MKLN1: variants seen among roughly 807,000 people sequenced by gnomAD.
MKLN1 encodes the protein muskelin 1, also known as muskelin.
Under a neutral mutation model 99.0 loss-of-function variants are expected in MKLN1, and 18 were observed. The observed-to-expected ratio is 0.18, with a 90% confidence interval of 0.13 to 0.27. The LOEUF is 0.27. MKLN1 is among the 10% of genes least tolerant of loss of function. The probability of loss-of-function intolerance (pLI) is 1.00; values close to 1 mark genes in which losing one functional copy is unlikely to be tolerated. For synonymous variants in MKLN1, 288 were observed against 293.2 expected (o/e 0.98, Z 0.18); for missense variants, 621 against 875.9 (o/e 0.71, Z 3.67).
chr7:131,485,927 A>G (rs973774715), intron 17 of MKLN1, among the ~76,000 whole-genome samples: 2 of 152,088 alleles, frequency 1.3e-5, no homozygotes, highest in Non-Finnish European at 2.9e-5. Context: ...AACTGGTATT[A>G]TTGGGACATC....
chr7:131,302,330 A>C (rs1333856542), intron 3 of MKLN1, among the ~76,000 whole-genome samples: 2 of 152,312 alleles, frequency 1.3e-5, no homozygotes, highest in Admixed American at 1.3e-4. Context: ...AAGTGGAAGC[A>C]GGGGGAAAAT....
intron 12 of MKLN1, among the ~76,000 whole-genome samples, chr7:131,447,913 A>T (rs955440017): frequency 6.6e-6 from 1 of 152,176 alleles, no homozygotes; most frequent in African/African-American, 2.4e-5. Context: ...CTGCCATGCT[A>T]AACTACTGCC....
Position 131,199,445 on chromosome 7 carries a change from G to T in MKLN1, c.-296-3412G>T, listed in dbSNP as rs568831352. On this transcript the variant is annotated intron_variant, in intron 2 of 7. Coordinates refer to the MKLN1 transcript ENST00000416992. ...TATTTTAAATATTTTGTAGAGATAG[G>T]TTCTCATTATGTTGCCTGGGCTGAT... Among the ~76,000 whole-genome samples, 38 of 152,154 alleles carry T rather than the reference G, an allele frequency of 2.5e-4. 2 individuals carry two copies. In the South Asian group the frequency reaches 6.6e-3, roughly 27 times the overall value.
intron 15 of MKLN1, 66 bp from the exon 16 acceptor site, chr7:131,470,776 G>T: frequency 9.7e-7 from 1 of 1,032,116 alleles, no homozygotes; most frequent in East Asian, 2.4e-5. Flanking sequence ...TTTTATTCCA[G>T]GTCTGAAAGA....
chr7:131,269,893 AC>A (rs748680869), intron 3 of MKLN1, among the ~76,000 whole-genome samples: 517 of 151,956 alleles, frequency 3.4e-3, no homozygotes, highest in Non-Finnish European at 4.8e-3. Flanking sequence ...TATGGAGGTA[AC>A]TTTTCTTTTC....
rs1220689072 is a variant in MKLN1, at chr7:131,445,866, C to T, written c.1488C>T (p.Asp496=). ...ATGATGTGGACTCTGATCATGTAGA[C>T]ATAATATCAGATGGCACCAAGAAAG... ...FSYDVDSDHV[D]IISDGTKKDS... Residue 496 remains aspartate, a synonymous_variant, in exon 12 of 18, where the codon GAC becomes GAT. Coordinates refer to ENST00000352689, the MANE Select transcript of MKLN1 (RefSeq NM_013255.5). 1 of 1,603,080 alleles carries T rather than the reference C, an allele frequency of 6.2e-7. No individual in the cohort carries two copies. The highest frequency in any genetic ancestry group is 8.5e-7 in the Non-Finnish European group (1 of 1,172,928).
At chr7:131,435,693 A>G (rs185651500) in intron 9 of MKLN1, among the ~76,000 whole-genome samples, 18 of 152,180 alleles carry the variant, frequency 1.2e-4, no homozygotes, top group Admixed American at 1.0e-3. Flanking sequence ...TGTTTTTGAT[A>G]GTATTCTCTC....
chr7:131,260,805 G>A (rs981854791), intron 3 of MKLN1, among the ~76,000 whole-genome samples: 1 of 152,100 alleles, frequency 6.6e-6, no homozygotes, highest in African/African-American at 2.4e-5. Context: ...CAGACACATA[G>A]ACCAATGGAA....
chr7:131,354,176 T>G (rs996577192), intron 1 of MKLN1, among the ~76,000 whole-genome samples: 21 of 152,118 alleles, frequency 1.4e-4, no homozygotes, highest in Non-Finnish European at 2.8e-4. Context: ...CTTGCTGGGA[T>G]TTTGATAGGA....
chr7:131,443,769 G>T, intron 11 of MKLN1, 67 bp downstream of exon 11: 1 of 1,198,874 alleles, frequency 8.3e-7, no homozygotes, highest in Non-Finnish European at 1.2e-6. Flanking sequence ...AAAAGAAGTG[G>T]TGAAATCTAA....
intron 1 of MKLN1, among the ~76,000 whole-genome samples, chr7:131,340,583 G>A: frequency 6.6e-6 from 1 of 152,010 alleles, no homozygotes; most frequent in East Asian, 1.9e-4. Context: ...CCGGCTTCCT[G>A]TAATTATGTA....
intron 4 of MKLN1, among the ~76,000 whole-genome samples, chr7:131,391,074 T>C (rs555139926): frequency 6.6e-6 from 1 of 152,272 alleles, no homozygotes; most frequent in South Asian, 2.1e-4. Flanking sequence ...AAGAACTTTT[T>C]TTTTTAAGTA....
At chr7:131,143,256 C>G (rs1317045229) in intron 2 of MKLN1, among the ~76,000 whole-genome samples, 1 of 151,658 alleles carries the variant, frequency 6.6e-6, no homozygotes, top group Non-Finnish European at 1.5e-5. Flanking sequence ...ATCACGAGGT[C>G]AGGAGTTCGA....
chr7:131,134,075 C>A (rs890449415), intron 1 of MKLN1, among the ~76,000 whole-genome samples: 19 of 152,060 alleles, frequency 1.2e-4, no homozygotes, highest in African/African-American at 4.6e-4. Context: ...GTTGATCCAC[C>A]TGCCTCGGCC....
intron 3 of MKLN1, among the ~76,000 whole-genome samples, chr7:131,283,346 C>CTCCTTCCTTCCT (rs1175927858): frequency 0.039 from 1,981 of 51,182 alleles, 29 homozygotes; most frequent in Middle Eastern, 0.056. Flanking sequence ...TTCCCTTCCC[C>CTCCTTCCTTCCT]TCCTTCCTTC....
In MKLN1 at chr7:131,437,885, G is replaced by A. The variant is rs761083417; in HGVS notation, c.1061G>A (p.Ser354Asn). 5 of 1,613,696 alleles carry A rather than the reference G, an allele frequency of 3.1e-6. No homozygotes were observed. In the South Asian group the frequency reaches 4.4e-5, roughly 14 times the overall value. Residue 354 changes from serine to asparagine, a missense_variant, in exon 10 of 18, where the codon AGC becomes AAC. Transcript: ENST00000352689. ...GRYLDSSVRN[S>N]KSLKSDFYRY... ...TACTTGGATTCCTCTGTGAGGAACAGCAAATCTCTGAAAAGTGACTTCTAT... is the reference window on the plus strand; with the variant it reads ...TACTTGGATTCCTCTGTGAGGAACAACAAATCTCTGAAAAGTGACTTCTAT...
At chr7:131,235,359 C>T (rs1166705476) in intron 3 of MKLN1, among the ~76,000 whole-genome samples, 1 of 151,758 alleles carries the variant, frequency 6.6e-6, no homozygotes, top group Non-Finnish European at 1.5e-5. Flanking sequence ...CTTCAGACTT[C>T]ATGAAATTCA....
intron 1 of MKLN1, among the ~76,000 whole-genome samples, chr7:131,348,377 TA>T (rs1799624000): frequency 3.3e-5 from 5 of 152,212 alleles, no homozygotes; most frequent in Non-Finnish European, 7.3e-5. Context: ...ATAATTCATA[TA>T]TATGCAGAGA....
intron 3 of MKLN1, among the ~76,000 whole-genome samples, chr7:131,296,570 T>G (rs1297177177): frequency 6.6e-6 from 1 of 151,736 alleles, no homozygotes; most frequent in East Asian, 1.9e-4. Context: ...ATGGGTCCAC[T>G]TGTATCTGGA....
Sources: gnomAD v4.1 joint callset for allele counts (sites outside exome capture counted in the v4.1 genomes callset) on GRCh38, gnomAD v4.1.1 for gene constraint, MANE v1.5 for transcripts, NCBI Gene and HGNC (gene_info 2026-07-23, HGNC 2026-07-21) for gene names.